RAB21: variants seen among roughly 807,000 people sequenced by gnomAD.
The protein encoded by RAB21 is ras-related protein Rab-21.
A neutral mutation model predicts 33.1 loss-of-function variants in RAB21; 13 were observed. The observed-to-expected ratio is 0.39, with a 90% CI of 0.26 to 0.62. The LOEUF (loss-of-function observed/expected upper bound fraction) is 0.62. RAB21 is among the 20% of genes least tolerant of loss of function. RAB21 has a pLI of 0.48. For missense variants in RAB21, 234 were observed against 279.1 expected, an observed-to-expected ratio of 0.84 and a Z score of 1.15; for synonymous variants, 91 against 103.7, an observed-to-expected ratio of 0.88 and a Z score of 0.74.
chr12:71,769,942 AC>A, intron 2 of RAB21, 83 bp downstream of exon 2: 2 of 610,408 alleles, frequency 3.3e-6, no homozygotes, highest in Non-Finnish European at 4.9e-6. Context: ...CTTAGCCAAC[AC>A]TTTTTTTTTT....
Position 71,795,899 on chromosome 12 carries a change from TTTTA to T in RAB21, c.*10234_*10237del, listed in dbSNP as rs1197525937. On this transcript the variant is annotated 3_prime_UTR_variant, in exon 7 of 7. Transcript: ENST00000261263. ...TCAAGATAATTTTGCTGTTTTTGCT[TTTTA>T]TTTATTTGCAACTAGAAATTGCATG... 3 of 138,146 alleles carry T rather than the reference TTTTA, an allele frequency of 2.2e-5. No individual in the cohort carries two copies. The highest frequency in any genetic ancestry group is 4.5e-5 in the Non-Finnish European group (3 of 66,168). 8.6% of individuals were successfully genotyped at this position (138,146 alleles called of 1,614,324 possible).
In RAB21 at chr12:71,785,769, A is replaced by G. The variant is rs148980156; in HGVS notation, c.*96A>G. The G allele has an allele frequency of 6.6e-4, 920 of 1,400,938 alleles. 7 individuals carry two copies. In the South Asian group the frequency reaches 7.2e-3, roughly 11 times the overall value. 86.8% of individuals were successfully genotyped at this position (1,400,938 alleles called of 1,614,324 possible). A position where few individuals can be genotyped will look rare whatever the true frequency, so the allele number is the denominator to read the frequency against. On this transcript the variant is annotated 3_prime_UTR_variant, in exon 7 of 7. Transcript: ENST00000261263. ...TATTCCAAGTCACATTATTTTACCAATGGAATTATAGAATTAACAGTATTT... is the reference window on the plus strand; with the variant it reads ...TATTCCAAGTCACATTATTTTACCAGTGGAATTATAGAATTAACAGTATTT...
rs116193144 is a variant in RAB21, at chr12:71,776,273, C to T, written c.391+2251C>T. Among the ~76,000 whole-genome samples, 827 of 152,172 alleles carry T rather than the reference C, an allele frequency of 5.4e-3. 10 individuals are homozygous for T. The highest frequency in any genetic ancestry group is 0.019 in the African/African-American group (786 of 41,508). On this transcript the variant is annotated intron_variant, in intron 4 of 6. Coordinates refer to ENST00000261263, the MANE Select transcript of RAB21 (RefSeq NM_014999.4). ...CATTTAAAAAATCATCTAAGTTAAA[C>T]AAGCTCATGAATAGTTTAAAGTGTG...
intron 5 of RAB21, 51 bp downstream of exon 5, chr12:71,782,136 C>G (rs924709360): frequency 2.0e-6 from 3 of 1,499,828 alleles, no homozygotes; most frequent in Admixed American, 3.6e-5. Context: ...AGAAATCTTC[C>G]TCTTTATACG....
chr12:71,756,941 T>C (rs994685990), intron 1 of RAB21, among the ~76,000 whole-genome samples: 4 of 152,188 alleles, frequency 2.6e-5, no homozygotes. Context: ...GGCAGTAATA[T>C]TACCACAAGT....
rs554318001 is a variant in RAB21 at position 71,798,149 on chromosome 12, T to C, written c.*12476T>C. On this transcript the variant is annotated 3_prime_UTR_variant, in exon 7 of 7. Coordinates refer to ENST00000261263, the MANE Select transcript of RAB21 (RefSeq NM_014999.4). ...CCCAGGCTAGAGGGCAGCGGCATGA[T>C]CTTGGCTCACTGCAACCTCTGCCTC... 1.3e-4 allele frequency: 20 copies of C among 152,374 alleles called. No homozygotes were observed. The highest frequency in any genetic ancestry group is 4.8e-4 in the African/African-American group (20 of 41,578). 9.4% of individuals were successfully genotyped at this position (152,374 alleles called of 1,614,324 possible). A position where few individuals can be genotyped will look rare whatever the true frequency, so the allele number is the denominator to read the frequency against.
At chr12:71,778,969 T>G (rs1417332097) in intron 4 of RAB21, among the ~76,000 whole-genome samples, 1 of 152,190 alleles carries the variant, frequency 6.6e-6, no homozygotes, top group Non-Finnish European at 1.5e-5. Flanking sequence ...GGACTTTAAT[T>G]GTCTTACAAC....
intron 1 of RAB21, among the ~76,000 whole-genome samples, chr12:71,765,702 A>G (rs1882950503): frequency 6.6e-6 from 1 of 152,080 alleles, no homozygotes; most frequent in Non-Finnish European, 1.5e-5. Flanking sequence ...CTTTTGTTAA[A>G]TAGGCTATCT....
chr12:71,775,181 GA>G (rs1306497483), intron 4 of RAB21, among the ~76,000 whole-genome samples: 1 of 152,054 alleles, frequency 6.6e-6, no homozygotes, highest in Admixed American at 6.5e-5. Context: ...CACAAGTATT[GA>G]ACAATAAAAG....
chr12:71,775,887 T>C (rs1468524803), intron 4 of RAB21, among the ~76,000 whole-genome samples: 1 of 152,146 alleles, frequency 6.6e-6, no homozygotes, highest in Non-Finnish European at 1.5e-5. Context: ...CACCATTACA[T>C]TGGTAGCTTT....
In RAB21 at chr12:71,770,611, G is replaced by A; in HGVS notation, c.239G>A (p.Arg80Lys). 6.2e-7 allele frequency: 1 copy of A among 1,604,282 alleles called. No individual in the cohort carries two copies. Among genetic ancestry groups the A allele is most frequent in the Admixed American group, 1.7e-5 (1 of 59,900 alleles). The change falls in exon 3 of 7, where the codon AGA becomes AAA. Residue 80 changes from arginine to lysine, a missense_variant. By Grantham distance (26) the Arg-to-Lys change is conservative (BLOSUM62 2). Transcript: ENST00000261263. The stretch of plus-strand genomic sequence containing the variant: ...CTTTAGGATACGGCAGGTCAAGAGA[G>A]ATTCCATGCATTGGGTCCAATTTAC... Reference protein sequence around the residue: ...LAIWDTAGQERFHALGPIYYR... With the variant: ...LAIWDTAGQEKFHALGPIYYR...
intron 4 of RAB21, 61 bp downstream of exon 4, chr12:71,774,083 G>A: frequency 8.6e-7 from 1 of 1,160,852 alleles, no homozygotes; most frequent in Non-Finnish European, 1.2e-6. Context: ...TTTTATTGAA[G>A]ACAAGTAATT....
chr12:71,799,951 T>C lies in RAB21; in HGVS notation c.*14278T>C, dbSNP rs771459978. The C allele has an allele frequency of 1.3e-5, 2 of 151,968 alleles. No individual in the cohort carries two copies. Among genetic ancestry groups the C allele is most frequent in the African/African-American group, 2.4e-5 (1 of 41,276 alleles). The allele number at this position is 151,968 out of a possible 1,614,324, so 9.4% of individuals were successfully genotyped here. The stretch of plus-strand genomic sequence containing the variant: ...AGCCGGGTGTGGTGGCAAGCAACTA[T>C]AATCCTAACTACTTGGGAGGCTGAG... On this transcript the variant is annotated 3_prime_UTR_variant, in exon 7 of 7. Transcript: ENST00000261263.
chr12:71,777,146 G>C (rs572678544), intron 4 of RAB21, among the ~76,000 whole-genome samples: 1 of 152,048 alleles, frequency 6.6e-6, no homozygotes, highest in Non-Finnish European at 1.5e-5. Context: ...AAAATTGCAC[G>C]GTGTAAGCAG....
chr12:71,760,928 G>A (rs906887373), intron 1 of RAB21, among the ~76,000 whole-genome samples: 1 of 152,062 alleles, frequency 6.6e-6, no homozygotes, highest in Non-Finnish European at 1.5e-5. Context: ...GGATTTGGCT[G>A]GGTGCAGTGG....
Position 71,789,677 on chromosome 12 carries a change from AC to A in RAB21, c.*4006del, listed in dbSNP as rs1480166187. On this transcript the variant is annotated 3_prime_UTR_variant, in exon 7 of 7. Coordinates refer to ENST00000261263, the MANE Select transcript of RAB21 (RefSeq NM_014999.4). ...TCTTCTCTAAATTATAAAATGCATT[AC>A]CTAGGCTTTAATAGTTAAAAGCTGG... 1 of 152,140 alleles carries A rather than the reference AC, an allele frequency of 6.6e-6. No homozygotes were observed. The highest frequency in any genetic ancestry group is 1.5e-5 in the Non-Finnish European group (1 of 67,986). The allele number at this position is 152,140 out of a possible 1,614,324, so 9.4% of individuals were successfully genotyped here.
At chr12:71,768,691 C>T (rs976879130) in intron 1 of RAB21, among the ~76,000 whole-genome samples, 2 of 152,148 alleles carry the variant, frequency 1.3e-5, no homozygotes, top group Non-Finnish European at 2.9e-5. Flanking sequence ...TTCAGTGATT[C>T]TCCCTTGTCA....
In RAB21 at chr12:71,794,772, TTATA is replaced by T. The variant is rs561993158; in HGVS notation, c.*9108_*9111del. 6.9e-6 allele frequency: 1 copy of T among 145,842 alleles called. No individual in the cohort carries two copies. Among genetic ancestry groups the T allele is most frequent in the Non-Finnish European group, 1.5e-5 (1 of 66,770 alleles). 9.0% of individuals were successfully genotyped at this position (145,842 alleles called of 1,614,324 possible). A position where few individuals can be genotyped will look rare whatever the true frequency, so the allele number is the denominator to read the frequency against. ...AATTTATATATATTTCATATATATA[TTATA>T]TATATATAAAATTAACCGGGCATGG... On this transcript the variant is annotated 3_prime_UTR_variant, in exon 7 of 7. Transcript: ENST00000261263.
At chr12:71,774,930 A>T (rs1004767936) in intron 4 of RAB21, among the ~76,000 whole-genome samples, 2 of 152,142 alleles carry the variant, frequency 1.3e-5, no homozygotes, top group Non-Finnish European at 2.9e-5. Context: ...CTTAGAAAAA[A>T]AGTTTAGTAA....
Sources: allele counts gnomAD v4.1 joint callset (sites outside exome capture counted in the v4.1 genomes callset), GRCh38; gene constraint gnomAD v4.1.1; transcripts MANE v1.5; gene names NCBI Gene and HGNC (gene_info 2026-07-23, HGNC 2026-07-21).